The following ASPRV1 variants were observed in gnomAD, a reference collection of about 807,000 sequenced individuals.
ASPRV1 encodes aspartic peptidase retroviral like 1, also known as retroviral-like aspartic protease 1.
Under a neutral mutation model 11.0 loss-of-function variants are expected in ASPRV1, and 7 were observed. That is an observed-to-expected ratio of 0.64 (90% CI 0.36 to 1.20). ASPRV1 has a LOEUF of 1.20. ASPRV1 is among the 50% of genes most tolerant of loss of function. The pLI, the probability that ASPRV1 is intolerant of heterozygous loss-of-function variation, is 0.02. For missense variants in ASPRV1, 299 were observed against 320.0 expected (o/e 0.93, Z 0.50); for synonymous variants, 136 against 138.4 (o/e 0.98, Z 0.12).
chr2:70,001,067 C>T, the ASPRV1 span, among the ~76,000 whole-genome samples: 6 of 151,890 alleles, frequency 4.0e-5, no homozygotes, highest in Non-Finnish European at 7.4e-5. Context: ...TGACAAGAGC[C>T]TAAGTTGATA....
chr2:69,991,375 G>C, the ASPRV1 span, among the ~76,000 whole-genome samples: 1 of 152,152 alleles, frequency 6.6e-6, no homozygotes, highest in Non-Finnish European at 1.5e-5. Context: ...GTATTTGAAC[G>C]AATCATTTTA....
chr2:69,947,072 G>A, the ASPRV1 span, among the ~76,000 whole-genome samples: 3 of 152,236 alleles, frequency 2.0e-5, no homozygotes, highest in African/African-American at 7.2e-5. Context: ...CGTAGGTAGA[G>A]CTCTACCCAG....
chr2:70,038,040 A>G, the ASPRV1 span, among the ~76,000 whole-genome samples: 1 of 152,182 alleles, frequency 6.6e-6, no homozygotes, highest in African/African-American at 2.4e-5. Context: ...CTAGTTTTTC[A>G]TTTGTCCACA....
the ASPRV1 span, chr2:70,086,535 G>T: frequency 6.6e-6 from 1 of 152,206 alleles, no homozygotes; most frequent in African/African-American, 2.4e-5. Context: ...TGAGCCTGGC[G>T]CAGTGGCTGC....
At chr2:70,026,704 A>G in the ASPRV1 span, among the ~76,000 whole-genome samples, 11 of 152,152 alleles carry the variant, frequency 7.2e-5, no homozygotes, top group African/African-American at 2.4e-4. Flanking sequence ...ATTTAAGAGG[A>G]TACAAAAAAT....
At chr2:69,994,776 T>C in the ASPRV1 span, among the ~76,000 whole-genome samples, 1 of 151,568 alleles carries the variant, frequency 6.6e-6, no homozygotes, top group Non-Finnish European at 1.5e-5. Flanking sequence ...GGAGGGCGGA[T>C]CATGAGGTCA....
chr2:69,972,501 G>A, the ASPRV1 span, among the ~76,000 whole-genome samples: 1 of 151,802 alleles, frequency 6.6e-6, no homozygotes, highest in African/African-American at 2.4e-5. Flanking sequence ...GGGATTACAG[G>A]CTCCCGCCAC....
upstream of ASPRV1, chr2:69,964,635 G>T (rs1678274124): frequency 8.4e-6 from 2 of 238,316 alleles, no homozygotes; most frequent in East Asian, 1.1e-4. Flanking sequence ...ACAAGTATAG[G>T]TATTGGGGCG....
At chr2:70,060,328 GAGACTCCATCTCAAAAAAAAAAAAAAAA>G in the ASPRV1 span, among the ~76,000 whole-genome samples, 12 of 129,454 alleles carry the variant, frequency 9.3e-5, 1 homozygote, top group Admixed American at 1.1e-3. Flanking sequence ...GCAACAGAGT[GAGACTCCATCTCAAAAAAAAAAAAAAAA>G]AAAGCCTATT....
the ASPRV1 span, chr2:69,939,518 T>C: frequency 6.5e-6 from 1 of 152,808 alleles, no homozygotes; most frequent in Non-Finnish European, 1.5e-5. Context: ...CTATAAATAC[T>C]ATTTATTCAT....
At chr2:70,017,643 T>G in the ASPRV1 span, among the ~76,000 whole-genome samples, 15 of 152,146 alleles carry the variant, frequency 9.9e-5, no homozygotes, top group African/African-American at 3.6e-4. Flanking sequence ...TAGTAAAGAC[T>G]CACCAAAAAA....
At chr2:69,951,998 T>C in the ASPRV1 span, among the ~76,000 whole-genome samples, 1 of 152,238 alleles carries the variant, frequency 6.6e-6, no homozygotes. Flanking sequence ...CCACTTGCCT[T>C]GCTCTGTTTA....
At chr2:69,971,537 T>C in the ASPRV1 span, among the ~76,000 whole-genome samples, 1 of 152,236 alleles carries the variant, frequency 6.6e-6, no homozygotes, top group African/African-American at 2.4e-5. Flanking sequence ...TACTTTACTA[T>C]TTAAAAACAC....
chr2:69,980,602 C>A, the ASPRV1 span, among the ~76,000 whole-genome samples: 1,678 of 152,164 alleles, frequency 0.011, 105 homozygotes, highest in Admixed American at 0.092. Context: ...GATGAAATCC[C>A]AAAATATCTG....
At chr2:70,018,007 G>C in the ASPRV1 span, 4 of 151,948 alleles carry the variant, frequency 2.6e-5, no homozygotes, top group African/African-American at 9.7e-5. Flanking sequence ...AGGTGTCATA[G>C]TGCGTACCTG....
chr2:70,012,837 G>A, the ASPRV1 span, among the ~76,000 whole-genome samples: 1 of 151,948 alleles, frequency 6.6e-6, no homozygotes, highest in Non-Finnish European at 1.5e-5. Context: ...TTTTTATTAG[G>A]AAAAAAATGA....
the ASPRV1 span, among the ~76,000 whole-genome samples, chr2:70,006,229 C>A: frequency 6.6e-6 from 1 of 152,262 alleles, no homozygotes; most frequent in Admixed American, 6.5e-5. Flanking sequence ...GTTTGAGAAC[C>A]ACTGATACAG....
At chr2:70,001,356 C>T in the ASPRV1 span, among the ~76,000 whole-genome samples, 1 of 152,034 alleles carries the variant, frequency 6.6e-6, no homozygotes, top group Admixed American at 6.6e-5. Flanking sequence ...TGGTGAAACC[C>T]TGTCTCTACT....
the ASPRV1 span, chr2:70,003,025 A>G: frequency 6.6e-6 from 1 of 152,258 alleles, no homozygotes; most frequent in African/African-American, 2.4e-5. Context: ...GTTGTCGATA[A>G]TCTCTGCAAT....
Sources: gnomAD v4.1 joint callset for allele counts (sites outside exome capture counted in the v4.1 genomes callset) on GRCh38, gnomAD v4.1.1 for gene constraint, MANE v1.5 for transcripts, NCBI Gene and HGNC (gene_info 2026-07-23, HGNC 2026-07-21) for gene names.